Variants in KIDINS220 observed in about 807,000 individuals in gnomAD.
The protein encoded by KIDINS220 is kinase D-interacting substrate of 220 kDa.
Under a neutral mutation model 157.6 loss-of-function variants are expected in KIDINS220, and 63 were observed. The observed-to-expected ratio is 0.40, with a 90% CI of 0.33 to 0.49. The LOEUF is 0.49. KIDINS220 is among the 20% of genes least tolerant of loss of function. The pLI is 0.66. For missense variants in KIDINS220, 1,772 were observed against 2,171.2 expected (o/e 0.82, Z 3.65); for synonymous variants, 732 against 783.6 (o/e 0.93, Z 1.10).
chr2:8,746,082 A>G (rs1395731030), intron 26 of KIDINS220, among the ~76,000 whole-genome samples: 2 of 151,544 alleles, frequency 1.3e-5, no homozygotes, highest in Non-Finnish European at 2.9e-5. Context: ...TTTCTTATTA[A>G]GTACGAAGTC....
Position 8,814,063 on chromosome 2 carries a change from C to T in KIDINS220, c.307-728G>A, listed in dbSNP as rs561171952. ...ATTCAACTCCTGCATTTGAACACATCCTTTAAATCCCAGATCATTTTAGTA... is the reference window on the plus strand; with the variant it reads ...ATTCAACTCCTGCATTTGAACACATTCTTTAAATCCCAGATCATTTTAGTA... On this transcript the variant is annotated intron_variant, in intron 4 of 29. Transcript: ENST00000256707. Among the ~76,000 whole-genome samples the T allele has an allele frequency of 2.7e-4, 41 of 152,314 alleles. No individual in the cohort carries two copies. The South Asian group carries it at 4.6e-3, about 17-fold the overall frequency.
chr2:8,749,988 CTT>C, intron 24 of KIDINS220, 122 bp downstream of exon 24: 1 of 732,794 alleles, frequency 1.4e-6, no homozygotes, highest in Non-Finnish European at 2.2e-6. Context: ...TACATTCAAA[CTT>C]TACATTTTTC....
At chr2:8,823,069 G>A (rs989199127) in intron 2 of KIDINS220, among the ~76,000 whole-genome samples, 3 of 152,030 alleles carry the variant, frequency 2.0e-5, no homozygotes, top group Non-Finnish European at 2.9e-5. Context: ...TTGAACTCCT[G>A]GGGTCAAGCA....
rs1309164446 is a variant in KIDINS220, at chr2:8,798,237, A to C, written c.964T>G (p.Leu322Val). ...ATTTCAGTGTCAGGATTGCACTGTA[A>C]GATATCTCTCACCATTGTTGCATTT... ...KGNATMVRDI[L>V]QCNPDTEICT... The change falls in exon 10 of 30, where the codon TTA becomes GTA. Residue 322 changes from leucine (L) to valine (V), a missense_variant. Coordinates refer to ENST00000256707, the MANE Select transcript of KIDINS220 (RefSeq NM_020738.4). The C allele has an allele frequency of 6.2e-7, 1 of 1,612,354 alleles. No homozygotes were observed. Among genetic ancestry groups the C allele is most frequent in the African/African-American group, 1.3e-5 (1 of 75,014 alleles).
At position 8,813,223 on chromosome 2, in the gene KIDINS220, T is replaced by G. The variant is rs1330521384; in HGVS notation, c.405+14A>C. ...CCACTTATAATACAAACAAATTTTT[T>G]TGTTAATGCTTACCAGACCAGTGAC... On this transcript the variant is annotated intron_variant, in intron 5 of 29. Transcript: ENST00000256707. The G allele has an allele frequency of 6.3e-7, 1 of 1,587,976 alleles. No individual in the cohort carries two copies. Among genetic ancestry groups the G allele is most frequent in the Non-Finnish European group, 8.6e-7 (1 of 1,166,914 alleles).
chr2:8,735,114 C>A (rs1055416173), intron 27 of KIDINS220, among the ~76,000 whole-genome samples: 1 of 152,166 alleles, frequency 6.6e-6, no homozygotes, highest in Non-Finnish European at 1.5e-5. Flanking sequence ...GGGACAAAGA[C>A]ATCTGTTCTC....
At position 8,750,267 on chromosome 2, in the gene KIDINS220, C is replaced by G; in HGVS notation, c.3259G>C (p.Gly1087Arg). The change falls in exon 24 of 30, where the codon GGT (glycine) becomes CGT (arginine). Residue 1087 changes from glycine (G) to arginine (R), a missense_variant. Physicochemically the swap from Gly to Arg is moderately radical, Grantham distance 125. This residue lies in a region of KIDINS220 where 793 missense variants were observed against 885.5 expected (regional missense o/e 0.90). Transcript: ENST00000256707. ...LAYPPLPLHE[G>R]PPRAPSGYSQ... ...TACCCTGATGGCGCCCTAGGAGGACCCTCATGTAGAGGGAGCGGGGGGTAC... is the reference window on the plus strand; with the variant it reads ...TACCCTGATGGCGCCCTAGGAGGACGCTCATGTAGAGGGAGCGGGGGGTAC... 1 of 1,613,830 alleles carries G rather than the reference C, an allele frequency of 6.2e-7. No individual in the cohort carries two copies. The highest frequency in any genetic ancestry group is 8.5e-7 in the Non-Finnish European group (1 of 1,179,880).
At chr2:8,757,315 C>T (rs912428816) in intron 22 of KIDINS220, 2 of 1,021,184 alleles carry the variant, frequency 2.0e-6, no homozygotes, top group Non-Finnish European at 2.3e-6. Flanking sequence ...CAACATAGAA[C>T]ACAATTGGCT....
intron 21 of KIDINS220, among the ~76,000 whole-genome samples, chr2:8,775,829 C>T (rs1482738985): frequency 1.1e-4 from 17 of 152,118 alleles, no homozygotes; most frequent in Admixed American, 1.0e-3. Flanking sequence ...AAGGCCATCT[C>T]CTGTTTACAG....
Position 8,765,206 on chromosome 2 carries a change from G to C in KIDINS220, c.3011+5464C>G, listed in dbSNP as rs185920444. ...AACCTGGTGCCTGAATACAGGTTTT[G>C]ACCAATTATATCCTTTTGTCTTTAG... On this transcript the variant is annotated intron_variant, in intron 22 of 29. Coordinates refer to ENST00000256707, the MANE Select transcript of KIDINS220 (RefSeq NM_020738.4). 3.1e-4 allele frequency among the ~76,000 whole-genome samples: 47 copies of C among 152,260 alleles called. No individual in the cohort carries two copies. In the East Asian group the frequency reaches 7.9e-3, roughly 26 times the overall value.
At position 8,729,967 on chromosome 2, in the gene KIDINS220, G is replaced by A; in HGVS notation, c.*753C>T. 4 of 985,332 alleles carry A rather than the reference G, an allele frequency of 4.1e-6. No homozygotes were observed. Among genetic ancestry groups the A allele is most frequent in the Non-Finnish European group, 4.8e-6 (4 of 829,910 alleles). The allele number at this position is 985,332 out of a possible 1,614,324, so 61.0% of individuals were successfully genotyped here. A position where few individuals can be genotyped will look rare whatever the true frequency, so the allele number is the denominator to read the frequency against. ...AAGAGTTGGAGAACAGACCAGGGTGGCTTCTTGGGCACAGCTGGATGGTGC... is the reference window on the plus strand; with the variant it reads ...AAGAGTTGGAGAACAGACCAGGGTGACTTCTTGGGCACAGCTGGATGGTGC... On this transcript the variant is annotated 3_prime_UTR_variant, in exon 30 of 30. Coordinates refer to ENST00000256707, the MANE Select transcript of KIDINS220 (RefSeq NM_020738.4).
At chr2:8,813,499 C>T (rs1214437834) in intron 4 of KIDINS220, among the ~76,000 whole-genome samples, 164 bp from the exon 5 acceptor site, 1 of 152,206 alleles carries the variant, frequency 6.6e-6, no homozygotes, top group African/African-American at 2.4e-5. Context: ...TACAATAGTA[C>T]ATGAAATAAG....
At chr2:8,770,078 A>G (rs549581150) in intron 22 of KIDINS220, among the ~76,000 whole-genome samples, 31 of 152,326 alleles carry the variant, frequency 2.0e-4, no homozygotes, top group African/African-American at 7.2e-4. Context: ...TAAGGAAATA[A>G]AAGTTATCTG....
Position 8,785,720 on chromosome 2 carries a change from T to C in KIDINS220, c.2229+21A>G, listed in dbSNP as rs781723540. The C allele has an allele frequency of 3.9e-5, 62 of 1,583,882 alleles. No homozygotes were observed. The African/African-American group carries it at 6.9e-4, about 18-fold the overall frequency. On this transcript the variant is annotated intron_variant, in intron 17 of 29. Transcript: ENST00000256707. Reference sequence around the variant, plus strand: ...AACATATTCGCATTACAATTTTTTCTAATAACCAATGAGTGCTTACTTTCA... The same window carrying C: ...AACATATTCGCATTACAATTTTTTCCAATAACCAATGAGTGCTTACTTTCA...
chr2:8,825,776 T>C (rs1379114899), intron 2 of KIDINS220: 2 of 152,174 alleles, frequency 1.3e-5, no homozygotes, highest in African/African-American at 4.8e-5. Flanking sequence ...GCACCTAAAA[T>C]GTCCTGCCAA....
chr2:8,751,492 T>A lies in KIDINS220; in HGVS notation c.3164A>T (p.Asp1055Val). 1.2e-6 allele frequency: 2 copies of A among 1,609,746 alleles called. No individual in the cohort carries two copies. Among genetic ancestry groups the A allele is most frequent in the Non-Finnish European group, 1.7e-6 (2 of 1,179,044 alleles). Reference protein sequence around the residue: ...KVFLPCTVNLDPKLREIIADV... With the variant: ...KVFLPCTVNLVPKLREIIADV... ...TGCAATAATTTCCCGTAGTTTGGGA[T>A]CTAGGTTTACAGTGCATGGCAAAAA... Residue 1055 changes from aspartate to valine, a missense_variant, in exon 23 of 30, where the codon GAT becomes GTT. Transcript: ENST00000256707.
chr2:8,834,038 G>T (rs1217451108), intron 1 of KIDINS220, among the ~76,000 whole-genome samples: 1 of 151,972 alleles, frequency 6.6e-6, no homozygotes, highest in African/African-American at 2.4e-5. Context: ...CCTGAATGTG[G>T]CCCCTCCCAT....
chr2:8,785,919 G>A lies in KIDINS220; in HGVS notation c.2051C>T (p.Pro684Leu), dbSNP rs886551019. The A allele has an allele frequency of 6.2e-7, 1 of 1,613,960 alleles. No individual in the cohort carries two copies. The highest frequency in any genetic ancestry group is 8.5e-7 in the Non-Finnish European group (1 of 1,179,992). The change falls in exon 17 of 30, where the codon CCA becomes CTA. Residue 684 changes from proline to leucine, a missense_variant. Around this residue, in one of 3 missense-constraint regions of KIDINS220, gnomAD observed 725 missense variants for 1,017.1 expected, o/e 0.71. Transcript: ENST00000256707. ...GACAGCATTTACAGTCAGATGCTTT[G>A]GGTCAACTCTAAATATAGCCAGAAG... ...ITLLAIFRVDPKHLTVNAVLI... is the reference protein window; with the variant it reads ...ITLLAIFRVDLKHLTVNAVLI...
chr2:8,784,088 C>G (rs977480052), intron 17 of KIDINS220, among the ~76,000 whole-genome samples: 1 of 151,012 alleles, frequency 6.6e-6, no homozygotes, highest in Non-Finnish European at 1.5e-5. Flanking sequence ...AGCCCAGAAA[C>G]AGACCTACAC....
Sources: allele counts gnomAD v4.1 joint callset (sites outside exome capture counted in the v4.1 genomes callset), GRCh38; gene constraint gnomAD v4.1.1; regional missense constraint gnomAD v4.1.1; transcripts MANE v1.5; gene names NCBI Gene and HGNC (gene_info 2026-07-23, HGNC 2026-07-21).